The following FXR1 variants were observed in gnomAD, a reference collection of about 807,000 sequenced individuals.
FXR1 encodes the protein RNA-binding protein FXR1.
A neutral mutation model predicts 84.0 loss-of-function variants in FXR1; 15 were observed. That is an observed-to-expected ratio of 0.18 (90% CI 0.12 to 0.27). The LOEUF is 0.27. Among genes scored for constraint, FXR1 ranks in the 10% least tolerant of loss-of-function variants. The pLI is 1.00. For synonymous variants in FXR1, 245 were observed against 250.7 expected, an observed-to-expected ratio of 0.98 and a Z score of 0.21; for missense variants, 480 against 774.4, an observed-to-expected ratio of 0.62 and a Z score of 4.51.
At chr3:180,936,455 AC>A (rs1720539566) in intron 3 of FXR1, among the ~76,000 whole-genome samples, 1 of 151,624 alleles carries the variant, frequency 6.6e-6, no homozygotes, top group South Asian at 2.1e-4. Flanking sequence ...TGTAGTAGAG[AC>A]AGGGTTTCGC....
intron 1 of FXR1, 180 bp from the exon 2 acceptor site, chr3:180,933,154 T>A (rs900358832): frequency 5.4e-6 from 3 of 555,936 alleles, no homozygotes; most frequent in Non-Finnish European, 9.4e-6. Context: ...TCAGAGAGGT[T>A]AAGTAACTTA....
Position 180,959,937 on chromosome 3 carries a change from G to A in FXR1, c.991-1531G>A, listed in dbSNP as rs570731116. On this transcript the variant is annotated intron_variant, in intron 10 of 16. Transcript: ENST00000357559. ...ATAGAACTAAAATGTCTTAAACCAC[G>A]CTTAGTTTCATATTTAGAACAAAAA... 2.0e-4 allele frequency among the ~76,000 whole-genome samples: 30 copies of A among 152,018 alleles called. 1 individual carries two copies. Among genetic ancestry groups the A allele is most frequent in the East Asian group, 7.7e-4 (4 of 5,172 alleles).
intron 9 of FXR1, 38 bp downstream of exon 9, chr3:180,953,878 C>T: frequency 4.9e-6 from 5 of 1,029,978 alleles, no homozygotes; most frequent in African/African-American, 1.6e-5. Context: ...AGTTAATAAA[C>T]ATTATTTAGT....
intron 1 of FXR1, among the ~76,000 whole-genome samples, chr3:180,925,221 C>T (rs755180385): frequency 4.6e-5 from 7 of 151,986 alleles, no homozygotes; most frequent in Non-Finnish European, 1.0e-4. Context: ...GTTAGCCGGG[C>T]ATGGTGGCAC....
chr3:180,939,581 C>G (rs770704289), intron 3 of FXR1, among the ~76,000 whole-genome samples: 1 of 152,196 alleles, frequency 6.6e-6, no homozygotes, highest in African/African-American at 2.4e-5. Flanking sequence ...TCAATAGATT[C>G]ACCAGCCCGG....
At chr3:180,956,559 A>AT (rs887435693) in intron 9 of FXR1, among the ~76,000 whole-genome samples, 5 of 152,126 alleles carry the variant, frequency 3.3e-5, no homozygotes, top group African/African-American at 1.2e-4. Context: ...TTCGAAAGAC[A>AT]TTTGCTTACT....
chr3:180,943,081 C>T (rs1364249215), intron 3 of FXR1, among the ~76,000 whole-genome samples: 1 of 151,936 alleles, frequency 6.6e-6, no homozygotes, highest in African/African-American at 2.4e-5. Flanking sequence ...ATTCTCCTGC[C>T]TCAGCCTCCT....
intron 1 of FXR1, chr3:180,933,030 T>C (rs1720112614): frequency 3.5e-6 from 1 of 283,640 alleles, no homozygotes; most frequent in East Asian, 8.9e-5. Context: ...AATACTGAAC[T>C]CTTAGTCACA....
In FXR1 at chr3:180,978,990, T is replaced by C. The variant is rs1445824403; in HGVS notation, c.*2698T>C. On this transcript the variant is annotated 3_prime_UTR_variant, in exon 17 of 17. Coordinates refer to ENST00000357559, the MANE Select transcript of FXR1 (RefSeq NM_005087.4). ...AGTGTAATAGGAATACACAAATCTT[T>C]ATTTTGAAATAATCTTGTATTTTAA... 6.6e-6 allele frequency: 1 copy of C among 152,130 alleles called. No individual in the cohort carries two copies. Among genetic ancestry groups the C allele is most frequent in the African/African-American group, 2.4e-5 (1 of 41,444 alleles). 9.4% of individuals were successfully genotyped at this position (152,130 alleles called of 1,614,324 possible).
At chr3:180,960,592 A>G (rs576614767) in intron 10 of FXR1, among the ~76,000 whole-genome samples, 1 of 152,044 alleles carries the variant, frequency 6.6e-6, no homozygotes, top group African/African-American at 2.4e-5. Context: ...CAGCCTCCCA[A>G]GTAGCTGGGA....
At chr3:180,963,114 T>G (rs1560016300) in intron 13 of FXR1, 24 bp downstream of exon 13, 5 of 1,054,846 alleles carry the variant, frequency 4.7e-6, no homozygotes, top group Non-Finnish European at 7.2e-6. Flanking sequence ...TTTTTTTTTT[T>G]TTTTTGGTAA....
chr3:180,955,725 G>A lies in FXR1; in HGVS notation c.880+1885G>A, dbSNP rs115960017. On this transcript the variant is annotated intron_variant, in intron 9 of 16. Transcript: ENST00000357559. Reference sequence around the variant, plus strand: ...CCAGGTTTCTTTTCAATCCAAGTCTGTCAATTATAAAAGATAGCCTTGGTC... The same window carrying A: ...CCAGGTTTCTTTTCAATCCAAGTCTATCAATTATAAAAGATAGCCTTGGTC... Among the ~76,000 whole-genome samples, 343 of 152,330 alleles carry A rather than the reference G, an allele frequency of 2.3e-3. 1 individual carries two copies. Among genetic ancestry groups the A allele is most frequent in the African/African-American group, 8.0e-3 (331 of 41,576 alleles).
intron 10 of FXR1, among the ~76,000 whole-genome samples, chr3:180,958,800 T>C (rs1313749577): frequency 1.3e-5 from 2 of 151,566 alleles, no homozygotes; most frequent in East Asian, 1.9e-4. Flanking sequence ...TCTGAAAGTA[T>C]TGACTTTTTT....
Position 180,937,393 on chromosome 3 carries a change from C to G in FXR1, c.198+2162C>G, listed in dbSNP as rs560680149. ...TTGTTACAGTGTACTTTTTCCATTC[C>G]TGTCCAGGAGGGTCCTTCCCTGTTC... On this transcript the variant is annotated intron_variant, in intron 3 of 16. Coordinates refer to ENST00000357559, the MANE Select transcript of FXR1 (RefSeq NM_005087.4). Among the ~76,000 whole-genome samples, 5 of 152,258 alleles carry G rather than the reference C, an allele frequency of 3.3e-5. No individual in the cohort carries two copies. In the South Asian group the frequency reaches 1.0e-3, roughly 32 times the overall value.
intron 10 of FXR1, among the ~76,000 whole-genome samples, chr3:180,961,047 G>C (rs747839670): frequency 1.3e-5 from 2 of 151,920 alleles, no homozygotes; most frequent in Non-Finnish European, 2.9e-5. Flanking sequence ...ATTATATATT[G>C]GGGCTGGGTA....
intron 1 of FXR1, among the ~76,000 whole-genome samples, chr3:180,915,271 C>CT (rs1215482540): frequency 1.3e-5 from 2 of 152,226 alleles, no homozygotes; most frequent in East Asian, 3.9e-4. Context: ...TTAACTGTCA[C>CT]TTTAACTGTG....
At chr3:180,921,051 A>G (rs1718523711) in intron 1 of FXR1, among the ~76,000 whole-genome samples, 1 of 152,158 alleles carries the variant, frequency 6.6e-6, no homozygotes, top group South Asian at 2.1e-4. Flanking sequence ...CTTGCCTTGA[A>G]TAATTTTTTT....
intron 14 of FXR1, among the ~76,000 whole-genome samples, chr3:180,968,922 CAT>C (rs1460397784): frequency 6.6e-6 from 1 of 152,122 alleles, no homozygotes; most frequent in Non-Finnish European, 1.5e-5. Context: ...GGGATAGATA[CAT>C]AGACTATATT....
intron 1 of FXR1, among the ~76,000 whole-genome samples, chr3:180,928,207 G>A (rs760772721): frequency 5.3e-5 from 8 of 150,970 alleles, no homozygotes; most frequent in African/African-American, 1.7e-4. Context: ...TTTAAAAAGA[G>A]TCCATTCCTT....
Sources: allele counts gnomAD v4.1 joint callset (sites outside exome capture counted in the v4.1 genomes callset), GRCh38; gene constraint gnomAD v4.1.1; transcripts MANE v1.5; gene names NCBI Gene and HGNC (gene_info 2026-07-23, HGNC 2026-07-21).